The following KDM2B variants were observed in gnomAD, a reference collection of about 807,000 sequenced individuals.
The protein encoded by KDM2B is lysine-specific demethylase 2B.
Under a neutral mutation model 150.0 loss-of-function variants are expected in KDM2B, and 26 were observed. The observed-to-expected ratio is 0.17, with a 90% confidence interval of 0.13 to 0.24. KDM2B has a LOEUF of 0.24. Among genes scored for constraint, KDM2B ranks in the 10% least tolerant of loss-of-function variants. The pLI is 1.00. For synonymous variants in KDM2B, 734 were observed against 729.5 expected (o/e 1.01, Z -0.10); for missense variants, 1,265 against 1,816.9 (o/e 0.70, Z 5.52).
chr12:121,574,729 A>C, intron 3 of KDM2B, 136 bp from the exon 4 acceptor site: 1 of 742,132 alleles, frequency 1.3e-6, no homozygotes, highest in Admixed American at 2.5e-5. Context: ...GAGAACATCC[A>C]GAGGGAGAGA....
rs1308372418 is a variant in KDM2B at position 121,521,314 on chromosome 12, ACT to A, written c.932-216_932-215del. Among the ~76,000 whole-genome samples the A allele has an allele frequency of 1.3e-5, 2 of 152,118 alleles. No homozygotes were observed. Among genetic ancestry groups the A allele is most frequent in the Admixed American group, 6.5e-5 (1 of 15,282 alleles). On this transcript the variant is annotated intron_variant, in intron 8 of 22. Coordinates refer to ENST00000377071, the MANE Select transcript of KDM2B (RefSeq NM_032590.5). This position sits in a 1 kb window ranked among gnomAD's most constrained non-coding sequence, Gnocchi z 4.9. ...CTCAGACTTGCAGCCTCGAGCAGCC[ACT>A]GTCTGGCTCAAGTCAGGAGCTGGGA...
intron 10 of KDM2B, among the ~76,000 whole-genome samples, chr12:121,511,884 G>A (rs985656574): frequency 4.6e-5 from 7 of 152,196 alleles, no homozygotes; most frequent in African/African-American, 1.2e-4. Flanking sequence ...TCTCCCTCAC[G>A]TTGCCCCTTC....
rs576818046 is a variant in KDM2B at position 121,467,323 on chromosome 12, C to A, written c.1735-13979G>T. The A allele has an allele frequency of 1.2e-4, 116 of 982,524 alleles. No homozygotes were observed. In the East Asian group the frequency reaches 8.0e-3, roughly 67 times the overall value. 60.9% of individuals were successfully genotyped at this position (982,524 alleles called of 1,614,324 possible). ...CCTGGCTCGGGCTCGGGCTCGGGCT[C>A]GGGCTCCCGCTGCCGCGAGGAGGGA... On this transcript the variant is annotated intron_variant, in intron 12 of 22. Transcript: ENST00000377071. This position sits in a 1 kb window ranked among gnomAD's most constrained non-coding sequence, Gnocchi z 5.1.
intron 9 of KDM2B, among the ~76,000 whole-genome samples, chr12:121,519,290 C>A (rs1174079786): frequency 6.6e-6 from 1 of 152,324 alleles, no homozygotes; most frequent in African/African-American, 2.4e-5. Context: ...GAAAACAAGA[C>A]CAGGAGAGAC....
intron 10 of KDM2B, among the ~76,000 whole-genome samples, chr12:121,512,299 G>A (rs2140941961): frequency 6.6e-6 from 1 of 152,170 alleles, no homozygotes; most frequent in East Asian, 1.9e-4. Context: ...GACCTCACAG[G>A]CAAAGACTTC....
chr12:121,484,979 T>C (rs1316820248), intron 12 of KDM2B, among the ~76,000 whole-genome samples: 1 of 151,924 alleles, frequency 6.6e-6, no homozygotes, highest in Non-Finnish European at 1.5e-5. Context: ...CCTTATAAAA[T>C]GAGGAAATCT....
intron 4 of KDM2B, among the ~76,000 whole-genome samples, chr12:121,566,821 CCTT>C (rs1555315040): frequency 6.6e-6 from 1 of 152,076 alleles, no homozygotes; most frequent in Admixed American, 6.6e-5. Flanking sequence ...ACAAAACAAA[CCTT>C]CTGCTCATTC....
In KDM2B at chr12:121,537,860, C is replaced by G. The variant is rs1482110181; in HGVS notation, c.684-3270G>C. Among the ~76,000 whole-genome samples the G allele has an allele frequency of 6.6e-6, 1 of 151,680 alleles. No homozygotes were observed. Among genetic ancestry groups the G allele is most frequent in the Non-Finnish European group, 1.5e-5 (1 of 67,880 alleles). The stretch of plus-strand genomic sequence containing the variant: ...GGGCGGGAGGCCACCCACACCCGCC[C>G]CGCGCAGCGCCACAAAGGAGGGGGC... On this transcript the variant is annotated intron_variant, in intron 6 of 22. Coordinates refer to ENST00000377071, the MANE Select transcript of KDM2B (RefSeq NM_032590.5). The surrounding 1 kb of genome is among the most constrained non-coding windows in gnomAD (Gnocchi z 8.7).
At chr12:121,419,679 G>GA in the KDM2B span, among the ~76,000 whole-genome samples, 2 of 152,172 alleles carry the variant, frequency 1.3e-5, no homozygotes, top group Non-Finnish European at 2.9e-5. Flanking sequence ...AACCCAAACT[G>GA]AAGAGATTTG....
At chr12:121,480,937 T>G (rs1487501383) in intron 12 of KDM2B, among the ~76,000 whole-genome samples, 1 of 150,466 alleles carries the variant, frequency 6.6e-6, no homozygotes, top group Non-Finnish European at 1.5e-5. Context: ...TTGTTGTTTT[T>G]TTTTTTTTGA....
chr12:121,420,929 G>C, the KDM2B span: 1 of 633,552 alleles, frequency 1.6e-6, no homozygotes. Context: ...CCTGTTTATA[G>C]ATCTGGAAAG....
chr12:121,424,726 GAA>G (rs1425637830), downstream of KDM2B, among the ~76,000 whole-genome samples: 1 of 142,392 alleles, frequency 7.0e-6, no homozygotes, highest in Admixed American at 6.9e-5. Flanking sequence ...AAAAAAAAAA[GAA>G]AAAAAAGAAA....
At chr12:121,502,760 C>CAAAAAAA (rs3080029) in intron 11 of KDM2B, among the ~76,000 whole-genome samples, 3 of 45,184 alleles carry the variant, frequency 6.6e-5, no homozygotes, top group Non-Finnish European at 9.9e-5. Flanking sequence ...CCATCTCTAC[C>CAAAAAAA]AAAAAAAAAA....
rs1875994748 is a variant in KDM2B at position 121,445,474 on chromosome 12, A to C, written c.1960-56T>G. ...TCAGGGGTGGGGAGCACGGACCCCC[A>C]GGGGGGCCAGTTCAAGGGCAATGAG... On this transcript the variant is annotated intron_variant, in intron 13 of 22. Coordinates refer to ENST00000377071, the MANE Select transcript of KDM2B (RefSeq NM_032590.5). 2.6e-6 allele frequency: 4 copies of C among 1,511,658 alleles called. No homozygotes were observed. The East Asian group carries it at 9.8e-5, about 37-fold the overall frequency. 93.6% of individuals were successfully genotyped at this position (1,511,658 alleles called of 1,614,324 possible). A position where few individuals can be genotyped will look rare whatever the true frequency, so the allele number is the denominator to read the frequency against.
chr12:121,513,834 T>C lies in KDM2B; in HGVS notation c.1048-432A>G, dbSNP rs1246846274. On this transcript the variant is annotated intron_variant, in intron 9 of 22. Transcript: ENST00000377071. The surrounding 1 kb of genome is among the most constrained non-coding windows in gnomAD (Gnocchi z 5.0). The stretch of plus-strand genomic sequence containing the variant: ...AGATTCTGCTGTTCCTCCCTCCTGC[T>C]TGAAAACCAGAAATCAACTTCCAAG... Among the ~76,000 whole-genome samples the C allele has an allele frequency of 6.6e-6, 1 of 152,146 alleles. No homozygotes were observed. The highest frequency in any genetic ancestry group is 1.5e-5 in the Non-Finnish European group (1 of 68,036).
chr12:121,441,544 C>T (rs1392555231), intron 19 of KDM2B, among the ~76,000 whole-genome samples: 1 of 152,170 alleles, frequency 6.6e-6, no homozygotes, highest in Non-Finnish European at 1.5e-5. Context: ...TCAAGCTATT[C>T]TCCTGCCTCA....
intron 9 of KDM2B, among the ~76,000 whole-genome samples, chr12:121,517,956 G>A (rs908714171): frequency 5.3e-5 from 8 of 151,422 alleles, no homozygotes; most frequent in Admixed American, 2.0e-4. Flanking sequence ...GCAGTGGTGC[G>A]ATCTCAGCTC....
At chr12:121,571,185 C>A (rs782073854) in intron 4 of KDM2B, among the ~76,000 whole-genome samples, 2 of 152,092 alleles carry the variant, frequency 1.3e-5, no homozygotes, top group South Asian at 2.1e-4. Flanking sequence ...AATCTAACAG[C>A]GATGGGGGAA....
intron 12 of KDM2B, among the ~76,000 whole-genome samples, chr12:121,478,045 A>C (rs1045145051): frequency 6.6e-6 from 1 of 151,506 alleles, no homozygotes; most frequent in Non-Finnish European, 1.5e-5. Flanking sequence ...AACTGGCCTT[A>C]AATCTTTTTA....
Sources: allele counts gnomAD v4.1 joint callset (sites outside exome capture counted in the v4.1 genomes callset), GRCh38; gene constraint gnomAD v4.1.1; non-coding constraint Gnocchi (gnomAD v3.1); transcripts MANE v1.5; gene names NCBI Gene and HGNC (gene_info 2026-07-23, HGNC 2026-07-21).